The following TOB1 variants were observed in gnomAD, a reference collection of about 807,000 sequenced individuals.
The protein encoded by TOB1 is transducer of ERBB2, 1.
Under a neutral mutation model 22.9 loss-of-function variants are expected in TOB1, and 2 were observed. The ratio of observed to expected loss-of-function variants is 0.09; its 90% CI spans 0.04 to 0.28. TOB1 has a LOEUF of 0.28. Ranked by LOEUF, TOB1 falls within the 10% of genes least tolerant of loss-of-function variation. The pLI is 1.00. For synonymous variants in TOB1, 154 were observed against 150.6 expected, an observed-to-expected ratio of 1.02 and a Z score of -0.17; for missense variants, 299 against 420.5, an observed-to-expected ratio of 0.71 and a Z score of 2.53.
At position 50,863,277 on chromosome 17, in the gene TOB1, G is replaced by C. The variant is rs201802177; in HGVS notation, c.741C>G (p.Ala247=). The change falls in exon 2 of 2, where the codon GCC becomes GCG. Residue 247 remains alanine (A), a synonymous_variant. Coordinates refer to ENST00000499247, the MANE Select transcript of TOB1 (RefSeq NM_005749.4). The part of the protein sequence containing the change: ...QQQPQQQQQP[A]QPPPPPPPPQ... The stretch of plus-strand genomic sequence containing the variant: ...GTGGTGGTGGTGGCGGTGGCGGCTG[G>C]GCTGGCTGCTGCTGTTGCTGTGGCT... 1 of 1,613,716 alleles carries C rather than the reference G, an allele frequency of 6.2e-7. No individual in the cohort carries two copies. Among genetic ancestry groups the C allele is most frequent in the East Asian group, 2.2e-5 (1 of 44,884 alleles).
chr17:50,866,506 G>T (rs1972312585), upstream of TOB1, among the ~76,000 whole-genome samples: 1 of 151,944 alleles, frequency 6.6e-6, no homozygotes, highest in Admixed American at 6.6e-5. Flanking sequence ...CCCGCCGGCC[G>T]GCTCCGCCCC....
At chr17:50,867,758 G>C (rs1337193985), upstream of TOB1, 1 of 152,290 alleles carries the variant, frequency 6.6e-6, no homozygotes, top group African/African-American at 2.4e-5. Context: ...CCAAACGTTG[G>C]GGCCTGCACT....
intron 1 of TOB1, among the ~76,000 whole-genome samples, chr17:50,865,176 C>T (rs1001745085): frequency 6.6e-6 from 1 of 152,218 alleles, no homozygotes; most frequent in Admixed American, 6.5e-5. Context: ...GTTTAAAAAT[C>T]AAGTTGGTCT....
chr17:50,867,552 C>G (rs1972331636), upstream of TOB1: 1 of 152,158 alleles, frequency 6.6e-6, no homozygotes, highest in Non-Finnish European at 1.5e-5. Flanking sequence ...CGATTGGCTG[C>G]CTGGTATCCA....
chr17:50,864,750 T>C (rs763341480), intron 1 of TOB1, among the ~76,000 whole-genome samples: 1 of 152,240 alleles, frequency 6.6e-6, no homozygotes, highest in Non-Finnish European at 1.5e-5. Flanking sequence ...AACTTCATCC[T>C]AGTAAATAAT....
chr17:50,863,538 A>G lies in TOB1; in HGVS notation c.480T>C (p.Ser160=). The change falls in exon 2 of 2, where the codon TCT becomes TCC. Residue 160 remains serine (S), a synonymous_variant. Coordinates refer to ENST00000499247, the MANE Select transcript of TOB1 (RefSeq NM_005749.4). ...SSSPSPPFGH[S]AAVSPTFMPR... ...GCATGAAGGTAGGGCTTACAGCAGC[A>G]GAGTGACCAAAAGGAGGCGATGGAG... The G allele has an allele frequency of 6.2e-7, 1 of 1,614,202 alleles. No homozygotes were observed. The highest frequency in any genetic ancestry group is 1.3e-5 in the African/African-American group (1 of 75,050).
upstream of TOB1, chr17:50,867,775 C>A (rs1322117282): frequency 6.6e-6 from 1 of 152,288 alleles, no homozygotes; most frequent in Non-Finnish European, 1.5e-5. Context: ...CACTCTCAAC[C>A]TGCTATAAGG....
At position 50,864,055 on chromosome 17, in the gene TOB1, C is replaced by CAAAAA. The variant is rs1284521768; in HGVS notation, c.-39_-38insTTTTT. ...ACAAAATTAGGTTTCAACTCCCCCA[C>CAAAAA]CAAAAAAAAAAAAAAAAAAAAAAGA... On this transcript the variant is annotated 5_prime_UTR_variant, in exon 2 of 2. Transcript: ENST00000499247. 7.4e-5 allele frequency: 50 copies of CAAAAA among 679,590 alleles called. 2 individuals are homozygous for CAAAAA. Among genetic ancestry groups the CAAAAA allele is most frequent in the South Asian group, 5.8e-4 (10 of 17,156 alleles). The allele number at this position is 679,590 out of a possible 1,614,324, so 42.1% of individuals were successfully genotyped here.
At position 50,863,417 on chromosome 17, in the gene TOB1, C is replaced by T. The variant is rs61756253; in HGVS notation, c.601G>A (p.Val201Ile). The T allele has an allele frequency of 6.2e-7, 1 of 1,614,128 alleles. No individual in the cohort carries two copies. Among genetic ancestry groups the T allele is most frequent in the South Asian group, 1.1e-5 (1 of 91,076 alleles). ...KMKNSGRSNK[V>I]ARTSPINLGL... The stretch of plus-strand genomic sequence containing the variant: ...AGGTTGATGGGAGAAGTACGTGCAA[C>T]CTTGTTGCTACGGCCACTATTCTTC... Residue 201 changes from valine to isoleucine, a missense_variant, in exon 2 of 2, where the codon GTT (valine) becomes ATT (isoleucine). Transcript: ENST00000499247.
Position 50,866,341 on chromosome 17 carries a change from G to A in TOB1, c.-430C>T, listed in dbSNP as rs903079724. On this transcript the variant is annotated 5_prime_UTR_variant, in exon 1 of 2. Coordinates refer to ENST00000499247, the MANE Select transcript of TOB1 (RefSeq NM_005749.4). Reference sequence around the variant, plus strand: ...TGCGCCCGCTACACGCCGGGCCAGAGCTTCGCTCCTTCTGCCGCGGCGCGC... The same window carrying A: ...TGCGCCCGCTACACGCCGGGCCAGAACTTCGCTCCTTCTGCCGCGGCGCGC... 2 of 152,278 alleles carry A rather than the reference G, an allele frequency of 1.3e-5. No homozygotes were observed. The highest frequency in any genetic ancestry group is 2.9e-5 in the Non-Finnish European group (2 of 68,142). The allele number at this position is 152,278 out of a possible 1,614,324, so 9.4% of individuals were successfully genotyped here. A position where few individuals can be genotyped will look rare whatever the true frequency, so the allele number is the denominator to read the frequency against.
Position 50,866,047 on chromosome 17 carries a change from G to T in TOB1, c.-147+11C>A. On this transcript the variant is annotated intron_variant, in intron 1 of 1. Transcript: ENST00000499247. ...CCTCGCCGACCCCGCCCGGCGCCCC[G>T]AGATACTTACGGGCTGCTTCGGGGC... 6.6e-6 allele frequency: 1 copy of T among 152,240 alleles called. No homozygotes were observed. The highest frequency in any genetic ancestry group is 2.1e-4 in the South Asian group (1 of 4,822). The allele number at this position is 152,240 out of a possible 1,614,324, so 9.4% of individuals were successfully genotyped here. A position where few individuals can be genotyped will look rare whatever the true frequency, so the allele number is the denominator to read the frequency against.
intron 1 of TOB1, 121 bp downstream of exon 1, chr17:50,865,937 C>T (rs959969502): frequency 4.2e-4 from 64 of 151,924 alleles, no homozygotes; most frequent in African/African-American, 1.5e-3. Context: ...AGGGCCGCGA[C>T]CCCGCCGTCC....
At chr17:50,865,025 A>G (rs1435325382) in intron 1 of TOB1, among the ~76,000 whole-genome samples, 1 of 152,202 alleles carries the variant, frequency 6.6e-6, no homozygotes, top group Non-Finnish European at 1.5e-5. Flanking sequence ...TCACGGTAAC[A>G]GCCGGAGAGG....
chr17:50,865,036 C>G (rs372291967), intron 1 of TOB1, among the ~76,000 whole-genome samples: 14 of 152,160 alleles, frequency 9.2e-5, no homozygotes, highest in African/African-American at 3.4e-4. Context: ...GCCGGAGAGG[C>G]AAGTATGGTA....
chr17:50,863,223 A>G lies in TOB1; in HGVS notation c.795T>C (p.Ser265=). 2.5e-6 allele frequency: 4 copies of G among 1,614,136 alleles called. No homozygotes were observed. The highest frequency in any genetic ancestry group is 3.4e-6 in the Non-Finnish European group (4 of 1,180,024). ...PPQQQQQQKT[S]ALSPNAKEFI... is the part of the protein sequence containing the mutation. Reference sequence around the variant, plus strand: ...ATTCCTTGGCATTAGGAGAAAGAGCAGAGGTTTTCTGCTGTTGTTGCTGCT... The same window carrying G: ...ATTCCTTGGCATTAGGAGAAAGAGCGGAGGTTTTCTGCTGTTGTTGCTGCT... The change falls in exon 2 of 2, where the codon TCT becomes TCC. Residue 265 remains serine (S), a synonymous_variant. Coordinates refer to ENST00000499247, the MANE Select transcript of TOB1 (RefSeq NM_005749.4).
chr17:50,865,448 C>G (rs1972281768), intron 1 of TOB1, among the ~76,000 whole-genome samples: 1 of 152,226 alleles, frequency 6.6e-6, no homozygotes, highest in Non-Finnish European at 1.5e-5. Context: ...GCTCACAGCC[C>G]TCGGAGCCCA....
At position 50,863,256 on chromosome 17, in the gene TOB1, T is replaced by C; in HGVS notation, c.762A>G (p.Pro254=). The C allele has an allele frequency of 6.2e-7, 1 of 1,613,838 alleles. No individual in the cohort carries two copies. The highest frequency in any genetic ancestry group is 8.5e-7 in the Non-Finnish European group (1 of 1,179,900). The change falls in exon 2 of 2, where the codon CCA becomes CCG. Residue 254 remains proline, a synonymous_variant. Coordinates refer to ENST00000499247, the MANE Select transcript of TOB1 (RefSeq NM_005749.4). ...QQPAQPPPPP[P]PPQQQQQQKT... The stretch of plus-strand genomic sequence containing the variant: ...TCTGCTGTTGTTGCTGCTGTGGTGG[T>C]GGTGGTGGCGGTGGCGGCTGGGCTG...
chr17:50,865,539 G>T (rs998325096), intron 1 of TOB1, among the ~76,000 whole-genome samples: 1 of 152,142 alleles, frequency 6.6e-6, no homozygotes, highest in African/African-American at 2.4e-5. Context: ...GAAGGAGGAG[G>T]AAGGCCCGGG....
rs200537818 is a variant in TOB1, at chr17:50,863,266, G to A, written c.752C>T (p.Pro251Leu). 4.8e-5 allele frequency: 77 copies of A among 1,613,666 alleles called. No homozygotes were observed. The highest frequency in any genetic ancestry group is 4.7e-4 in the East Asian group (21 of 44,896). ...QQQQQPAQPP[P>L]PPPPPQQQQQ... ...TTGCTGCTGTGGTGGTGGTGGTGGC[G>A]GTGGCGGCTGGGCTGGCTGCTGCTG... The change falls in exon 2 of 2, where the codon CCG becomes CTG. Residue 251 changes from proline to leucine, a missense_variant. Coordinates refer to ENST00000499247, the MANE Select transcript of TOB1 (RefSeq NM_005749.4).
Sources: gnomAD v4.1 joint callset for allele counts (sites outside exome capture counted in the v4.1 genomes callset) on GRCh38, gnomAD v4.1.1 for gene constraint, MANE v1.5 for transcripts, NCBI Gene and HGNC (gene_info 2026-07-23, HGNC 2026-07-21) for gene names.